Variants in DSE observed in about 807,000 individuals in gnomAD.
DSE encodes the protein dermatan-sulfate epimerase.
Under a neutral mutation model 84.4 loss-of-function variants are expected in DSE, and 36 were observed. The ratio of observed to expected loss-of-function variants is 0.43; its 90% CI spans 0.33 to 0.56. The LOEUF (loss-of-function observed/expected upper bound fraction) is 0.56. Among genes scored for constraint, DSE ranks in the 20% least tolerant of loss-of-function variants. The pLI is 0.06. For missense variants in DSE, 862 were observed against 1,169.6 expected (o/e 0.74, Z 3.84); for synonymous variants, 410 against 430.1 (o/e 0.95, Z 0.58).
At chr6:116,380,519 A>C (rs111261355) in intron 1 of DSE, among the ~76,000 whole-genome samples, 6 of 152,166 alleles carry the variant, frequency 3.9e-5, no homozygotes, top group African/African-American at 1.4e-4. Flanking sequence ...CAGATCAGCC[A>C]GCAGAGCAAA....
At chr6:116,307,557 A>G (rs1775429327) in intron 2 of DSE, among the ~76,000 whole-genome samples, 2 of 152,364 alleles carry the variant, frequency 1.3e-5, no homozygotes, top group South Asian at 4.1e-4. Flanking sequence ...TAAAAATGAG[A>G]TGCTGTTACT....
chr6:116,358,716 T>C (rs546291438), intron 2 of DSE, among the ~76,000 whole-genome samples: 1 of 152,358 alleles, frequency 6.6e-6, no homozygotes, highest in African/African-American at 2.4e-5. Flanking sequence ...CCTTATCTAT[T>C]TGCTACAGTT....
intron 2 of DSE, among the ~76,000 whole-genome samples, chr6:116,363,851 A>G (rs762520577): frequency 5.3e-5 from 8 of 152,238 alleles, no homozygotes; most frequent in Non-Finnish European, 1.2e-4. Context: ...TAATGGAGCA[A>G]ATGAATCTAC....
At chr6:116,433,809 A>G (rs1437649543) in intron 5 of DSE, among the ~76,000 whole-genome samples, 1 of 152,162 alleles carries the variant, frequency 6.6e-6, no homozygotes, top group Non-Finnish European at 1.5e-5. Context: ...TGAGCATAGT[A>G]CCTAATAGGT....
intron 2 of DSE, among the ~76,000 whole-genome samples, chr6:116,285,964 A>T (rs1264783219): frequency 1.3e-5 from 2 of 152,182 alleles, no homozygotes; most frequent in South Asian, 2.1e-4. Context: ...TGATGCCTCC[A>T]GCTTTGTTCT....
At chr6:116,314,564 G>A (rs1775862562) in intron 2 of DSE, among the ~76,000 whole-genome samples, 1 of 152,140 alleles carries the variant, frequency 6.6e-6, no homozygotes, top group African/African-American at 2.4e-5. Flanking sequence ...TCTCCTGTAA[G>A]TTTTCTAAGT....
At chr6:116,278,482 G>A in intron 2 of DSE, 1 of 1,612,902 alleles carries the variant, frequency 6.2e-7, no homozygotes, top group Non-Finnish European at 8.5e-7. Flanking sequence ...AAGGTGGTAG[G>A]AGACCTTGTG....
chr6:116,405,688 T>C (rs1449723882), intron 2 of DSE, among the ~76,000 whole-genome samples: 1 of 152,258 alleles, frequency 6.6e-6, no homozygotes, highest in Non-Finnish European at 1.5e-5. Context: ...ACACAGCCAT[T>C]GGGAATTCAC....
intron 2 of DSE, among the ~76,000 whole-genome samples, chr6:116,423,873 A>G (rs953057902): frequency 5.9e-5 from 9 of 152,216 alleles, no homozygotes; most frequent in African/African-American, 2.2e-4. Context: ...AGGTGCCATA[A>G]ACTTTTTTCT....
rs539439653 is a variant in DSE, at chr6:116,391,836, A to G, written c.-53-7362A>G. On this transcript the variant is annotated intron_variant, in intron 1 of 5. Transcript: ENST00000644252. ...TTTTGTCTGAGTCCACGGGCTTTACACATCAGGGAGTATAATTTTAGGGAA... is the reference window on the plus strand; with the variant it reads ...TTTTGTCTGAGTCCACGGGCTTTACGCATCAGGGAGTATAATTTTAGGGAA... Among the ~76,000 whole-genome samples the G allele has an allele frequency of 2.0e-5, 3 of 151,890 alleles. No homozygotes were observed. In the East Asian group the frequency reaches 5.8e-4, roughly 29 times the overall value.
intron 2 of DSE, among the ~76,000 whole-genome samples, chr6:116,299,502 TTTTATATATATA>T (rs1336633148): frequency 0.03 from 1,433 of 47,388 alleles, 101 homozygotes; most frequent in East Asian, 0.036. Context: ...CTTGAATTAT[TTTTATATATATA>T]TATATATATA....
chr6:116,313,876 A>T (rs775700334), intron 2 of DSE, among the ~76,000 whole-genome samples: 1 of 152,180 alleles, frequency 6.6e-6, no homozygotes, highest in South Asian at 2.1e-4. Flanking sequence ...GAGTTTTAGG[A>T]CTCACTATGC....
At chr6:116,398,256 TA>T (rs1562281213) in intron 1 of DSE, among the ~76,000 whole-genome samples, 2 of 152,222 alleles carry the variant, frequency 1.3e-5, no homozygotes, top group African/African-American at 2.4e-5. Context: ...GATTTTATTT[TA>T]TTTTTTTTAG....
chr6:116,343,737 GA>G (rs1316740721), intron 2 of DSE, among the ~76,000 whole-genome samples: 12 of 152,202 alleles, frequency 7.9e-5, no homozygotes, highest in African/African-American at 2.9e-4. Context: ...TCCTCCAAAG[GA>G]ATGCAGTTCC....
chr6:116,368,503 G>A (rs1025045532), upstream of DSE, among the ~76,000 whole-genome samples: 7 of 152,198 alleles, frequency 4.6e-5, no homozygotes, highest in Non-Finnish European at 8.8e-5. Flanking sequence ...AGAATCACAG[G>A]TAAAGTGCTG....
Position 116,372,945 on chromosome 6 carries a change from G to T in DSE, c.-54+1824G>T, listed in dbSNP as rs139562498. 3.3e-3 allele frequency among the ~76,000 whole-genome samples: 500 copies of T among 152,100 alleles called. 4 individuals carry two copies. The highest frequency in any genetic ancestry group is 0.011 in the African/African-American group (465 of 41,488). On this transcript the variant is annotated intron_variant, in intron 1 of 5. Transcript: ENST00000644252. ...AGTTATTTTTCATTGACTAGTATATGACGTCAGTATCCGTTTTTATGAAGT... is the reference window on the plus strand; with the variant it reads ...AGTTATTTTTCATTGACTAGTATATTACGTCAGTATCCGTTTTTATGAAGT...
intron 2 of DSE, among the ~76,000 whole-genome samples, chr6:116,296,649 G>C (rs1220086785): frequency 6.6e-6 from 1 of 152,162 alleles, no homozygotes; most frequent in African/African-American, 2.4e-5. Context: ...AAGGAGCAAA[G>C]ACCCTGAGAC....
chr6:116,427,634 A>C (rs1043988854), intron 3 of DSE, among the ~76,000 whole-genome samples: 1 of 152,216 alleles, frequency 6.6e-6, no homozygotes, highest in African/African-American at 2.4e-5. Context: ...TCTTAGAGGA[A>C]AAGAAACTAA....
At position 116,442,537 on chromosome 6, in the gene DSE, G is replaced by C. The variant is rs1784461527; in HGVS notation, c.*5192G>C. Reference sequence around the variant, plus strand: ...TGTGTGAGAGGAGAAGTGCATTCTGGGTAAATGGAATAGAATAAAGAAAAA... The same window carrying C: ...TGTGTGAGAGGAGAAGTGCATTCTGCGTAAATGGAATAGAATAAAGAAAAA... On this transcript the variant is annotated 3_prime_UTR_variant, in exon 6 of 6. Transcript: ENST00000644252. 2 of 152,076 alleles carry C rather than the reference G, an allele frequency of 1.3e-5. No homozygotes were observed. The highest frequency in any genetic ancestry group is 4.8e-5 in the African/African-American group (2 of 41,386). 9.4% of individuals were successfully genotyped at this position (152,076 alleles called of 1,614,324 possible). A position where few individuals can be genotyped will look rare whatever the true frequency, so the allele number is the denominator to read the frequency against.
Sources: gnomAD v4.1 joint callset for allele counts (sites outside exome capture counted in the v4.1 genomes callset) on GRCh38, gnomAD v4.1.1 for gene constraint, MANE v1.5 for transcripts, NCBI Gene and HGNC (gene_info 2026-07-23, HGNC 2026-07-21) for gene names.